The following ARHGAP24 variants were observed in gnomAD, a reference collection of about 807,000 sequenced individuals.
ARHGAP24 encodes rho GTPase-activating protein 24.
ARHGAP24 carries 50 observed loss-of-function variants against 76.4 expected under a neutral mutation model. The observed-to-expected ratio is 0.65, with a 90% confidence interval of 0.52 to 0.83. The LOEUF (loss-of-function observed/expected upper bound fraction) is 0.83, where lower values mean the gene tolerates loss of function less well. Among genes scored for constraint, ARHGAP24 ranks in the 40% least tolerant of loss-of-function variants. The pLI is 0.00. For synonymous variants in ARHGAP24, 345 were observed against 323.3 expected (o/e 1.07, Z -0.72); for missense variants, 930 against 914.2 (o/e 1.02, Z -0.22).
At chr4:85,839,598 G>T (rs1323337486) in intron 3 of ARHGAP24, among the ~76,000 whole-genome samples, 1 of 151,680 alleles carries the variant, frequency 6.6e-6, no homozygotes, top group Non-Finnish European at 1.5e-5. Flanking sequence ...CTACAGGCAC[G>T]TGCCACCACG....
At chr4:85,964,543 G>A (rs1419959777) in intron 5 of ARHGAP24, among the ~76,000 whole-genome samples, 2 of 152,092 alleles carry the variant, frequency 1.3e-5, no homozygotes, top group Admixed American at 1.3e-4. Context: ...AGAAGAGCTT[G>A]GGAGCTAACT....
At chr4:85,612,268 T>G (rs1431099448) in intron 2 of ARHGAP24, among the ~76,000 whole-genome samples, 1 of 146,496 alleles carries the variant, frequency 6.8e-6, no homozygotes, top group Non-Finnish European at 1.5e-5. Flanking sequence ...AATACAAAAA[T>G]TAGCTGGGCG....
chr4:86,000,612 A>G lies in ARHGAP24; in HGVS notation c.2137A>G (p.Lys713Glu). 1 of 1,614,086 alleles carries G rather than the reference A, an allele frequency of 6.2e-7. No homozygotes were observed. Among genetic ancestry groups the G allele is most frequent in the Non-Finnish European group, 8.5e-7 (1 of 1,180,002 alleles). ...NAERAKEDAE[K>E]RNDMLQKEME... Reference sequence around the variant, plus strand: ...CGAGCGAGCAAAAGAAGATGCCGAGAAAAGAAATGACATGCTACAGAAAGA... The same window carrying G: ...CGAGCGAGCAAAAGAAGATGCCGAGGAAAGAAATGACATGCTACAGAAAGA... Residue 713 changes from lysine (K) to glutamate (E), a missense_variant, in exon 10 of 10, where the codon AAA becomes GAA. Coordinates refer to ENST00000395184, the MANE Select transcript of ARHGAP24 (RefSeq NM_001025616.3).
At position 85,972,141 on chromosome 4, in the gene ARHGAP24, C is replaced by G; in HGVS notation, c.705C>G (p.Ala235=). 6.2e-7 allele frequency: 1 copy of G among 1,613,526 alleles called. No individual in the cohort carries two copies. The highest frequency in any genetic ancestry group is 8.5e-7 in the Non-Finnish European group (1 of 1,179,960). The change falls in exon 6 of 10, where the codon GCC becomes GCG. Residue 235 remains alanine (A), a synonymous_variant. Coordinates refer to ENST00000395184, the MANE Select transcript of ARHGAP24 (RefSeq NM_001025616.3). Reference sequence around the variant, plus strand: ...AGTATGAAGATTTTTTGTCATGTGCCAAACTGCTCAGCAAGGAAGAGGAAG... The same window carrying G: ...AGTATGAAGATTTTTTGTCATGTGCGAAACTGCTCAGCAAGGAAGAGGAAG... The part of the protein sequence containing the change: ...YAKYEDFLSC[A]KLLSKEEEAG...
intron 3 of ARHGAP24, among the ~76,000 whole-genome samples, chr4:85,732,357 A>C (rs1725440139): frequency 6.6e-6 from 1 of 152,230 alleles, no homozygotes. Context: ...ATGAGTGTGC[A>C]GCAGAACAGC....
intron 1 of ARHGAP24, among the ~76,000 whole-genome samples, chr4:85,523,397 G>T (rs145045928): frequency 6.6e-6 from 1 of 152,168 alleles, no homozygotes; most frequent in East Asian, 1.9e-4. Context: ...CCTCATTGCC[G>T]TCTATTGGTA....
intron 2 of ARHGAP24, among the ~76,000 whole-genome samples, chr4:85,625,118 T>A (rs1190617232): frequency 1.3e-5 from 2 of 152,188 alleles, no homozygotes; most frequent in African/African-American, 4.8e-5. Flanking sequence ...TGCTAGCTTT[T>A]GAATGTGTTT....
intron 2 of ARHGAP24, among the ~76,000 whole-genome samples, chr4:85,647,352 ATTCCTCTGCCT>A (rs1560568058): frequency 1.3e-5 from 2 of 152,092 alleles, no homozygotes; most frequent in Non-Finnish European, 2.9e-5. Flanking sequence ...ATTATCTAAC[ATTCCTCTGCCT>A]TTCCTTTTGG....
At chr4:85,623,436 G>T (rs890795994) in intron 2 of ARHGAP24, among the ~76,000 whole-genome samples, 1 of 152,146 alleles carries the variant, frequency 6.6e-6, no homozygotes. Context: ...TGAGGGCTCT[G>T]TTCTGTTCCA....
chr4:85,691,353 C>T (rs374864335), intron 2 of ARHGAP24, among the ~76,000 whole-genome samples: 1 of 152,072 alleles, frequency 6.6e-6, no homozygotes. Context: ...CTGTAGATTT[C>T]TTATTAAGTC....
chr4:85,849,638 T>G lies in ARHGAP24; in HGVS notation c.269-74010T>G, dbSNP rs557461838. 3.7e-4 allele frequency among the ~76,000 whole-genome samples: 56 copies of G among 152,350 alleles called. No individual in the cohort carries two copies. In the South Asian group the frequency reaches 0.011, roughly 31 times the overall value. ...ATACATTCCATCAATACCTAGTTCA[T>G]TGAGAGTTTTTAGCATGAAGGGCTG... On this transcript the variant is annotated intron_variant, in intron 3 of 9. Coordinates refer to ENST00000395184, the MANE Select transcript of ARHGAP24 (RefSeq NM_001025616.3).
In ARHGAP24 at chr4:85,995,443, C is replaced by T. The variant is rs1373832463; in HGVS notation, c.1789C>T (p.Pro597Ser). Residue 597 changes from proline to serine, a missense_variant, in exon 9 of 10, where the codon CCG becomes TCG. Pro to Ser is a moderately conservative substitution (Grantham distance 74, BLOSUM62 -1). Coordinates refer to ENST00000395184, the MANE Select transcript of ARHGAP24 (RefSeq NM_001025616.3). Reference protein sequence around the residue: ...NFEDPVLDGPPQDDLSHPRDY... With the variant: ...NFEDPVLDGPSQDDLSHPRDY... ...TGAGGACCCTGTTTTGGATGGGCCC[C>T]CGCAGGACGACCTTTCCCACCCCAG... The T allele has an allele frequency of 6.2e-7, 1 of 1,608,940 alleles. No individual in the cohort carries two copies. Among genetic ancestry groups the T allele is most frequent in the Non-Finnish European group, 8.5e-7 (1 of 1,176,424 alleles).
chr4:85,525,239 G>C (rs973376130), intron 1 of ARHGAP24, among the ~76,000 whole-genome samples: 1 of 144,040 alleles, frequency 6.9e-6, no homozygotes, highest in African/African-American at 2.5e-5. Context: ...CATATGCCAT[G>C]TGCTTATGTA....
intron 2 of ARHGAP24, among the ~76,000 whole-genome samples, chr4:85,663,944 T>C (rs1280742768): frequency 5.9e-5 from 9 of 152,066 alleles, no homozygotes; most frequent in Non-Finnish European, 1.2e-4. Context: ...AGGATTTTTG[T>C]ATCAATGTTC....
At chr4:85,797,411 G>T (rs974134169) in intron 3 of ARHGAP24, among the ~76,000 whole-genome samples, 1 of 152,120 alleles carries the variant, frequency 6.6e-6, no homozygotes. Context: ...CTGACCTTGT[G>T]ATCCACCCGC....
intron 1 of ARHGAP24, among the ~76,000 whole-genome samples, chr4:85,536,438 A>G (rs561526148): frequency 3.9e-5 from 6 of 152,254 alleles, no homozygotes; most frequent in Middle Eastern, 3.4e-3. Flanking sequence ...AGTGAGTAAT[A>G]TATACTATTT....
intron 2 of ARHGAP24, among the ~76,000 whole-genome samples, chr4:85,663,558 G>C (rs1722490418): frequency 6.7e-6 from 1 of 148,406 alleles, no homozygotes; most frequent in African/African-American, 2.5e-5. Context: ...ACACTATGTT[G>C]AATAGGAGTG....
chr4:85,963,178 A>T (rs984481623), intron 5 of ARHGAP24, among the ~76,000 whole-genome samples: 1 of 152,084 alleles, frequency 6.6e-6, no homozygotes, highest in Non-Finnish European at 1.5e-5. Flanking sequence ...AGTTTAATAG[A>T]AAAGTCTTTG....
chr4:85,707,104 G>T (rs1295326975), intron 2 of ARHGAP24, among the ~76,000 whole-genome samples: 1 of 152,028 alleles, frequency 6.6e-6, no homozygotes, highest in East Asian at 1.9e-4. Context: ...TTTTGTGGAG[G>T]CACAGTCTTG....
Sources: allele counts gnomAD v4.1 joint callset (sites outside exome capture counted in the v4.1 genomes callset), GRCh38; gene constraint gnomAD v4.1.1; transcripts MANE v1.5; gene names NCBI Gene and HGNC (gene_info 2026-07-23, HGNC 2026-07-21).